The following RBFOX1 variants were observed in gnomAD, a reference collection of about 807,000 sequenced individuals.
The protein encoded by RBFOX1 is RNA binding fox-1 homolog 1, also known as RNA binding protein fox-1 homolog 1.
RBFOX1 carries 8 observed loss-of-function variants against 57.7 expected under a neutral mutation model. The observed-to-expected ratio is 0.14, with a 90% confidence interval of 0.08 to 0.25. The LOEUF (loss-of-function observed/expected upper bound fraction) is 0.25, where lower values mean the gene tolerates loss of function less well. RBFOX1 is among the 10% of genes least tolerant of loss of function. The probability of loss-of-function intolerance (pLI) is 1.00; values close to 1 mark genes in which losing one functional copy is unlikely to be tolerated. For synonymous variants in RBFOX1, 326 were observed against 222.4 expected, an observed-to-expected ratio of 1.47 and a Z score of -4.15; for missense variants, 611 against 548.5, an observed-to-expected ratio of 1.11 and a Z score of -1.14.
In RBFOX1 at chr16:7,540,323, A is replaced by G. The variant is rs1022456712; in HGVS notation, c.270+21934A>G. 5.9e-5 allele frequency among the ~76,000 whole-genome samples: 9 copies of G among 152,168 alleles called. No individual in the cohort carries two copies. In the East Asian group the frequency reaches 9.6e-4, roughly 16 times the overall value. On this transcript the variant is annotated intron_variant, in intron 5 of 15. Coordinates refer to ENST00000550418, the MANE Select transcript of RBFOX1 (RefSeq NM_018723.4). ...ACTCAAGGTACCTGAAAATAATGCA[A>G]TATGGCACCATGTCGGCAATGTGGC...
intron 14 of RBFOX1, among the ~76,000 whole-genome samples, chr16:7,682,161 T>C (rs1037761845): frequency 3.3e-5 from 5 of 152,274 alleles, no homozygotes; most frequent in African/African-American, 1.2e-4. Context: ...AAACGGTAGT[T>C]TTAGACATCC....
intron 3 of RBFOX1, among the ~76,000 whole-genome samples, chr16:5,790,591 T>C (rs1043890617): frequency 6.6e-6 from 1 of 151,532 alleles, no homozygotes; most frequent in Admixed American, 6.6e-5. Context: ...CTTACAGGGT[T>C]TGGGGTTTGA....
intron 2 of RBFOX1, among the ~76,000 whole-genome samples, chr16:5,544,519 G>A (rs2151067898): frequency 6.6e-6 from 1 of 151,976 alleles, no homozygotes; most frequent in South Asian, 2.1e-4. Context: ...CACAAAGTAA[G>A]CAGGGAAAAA....
rs1371418403 is a variant in RBFOX1, at chr16:7,653,953, T to G, written c.890+6T>G. 2 of 1,502,084 alleles carry G rather than the reference T, an allele frequency of 1.3e-6. No homozygotes were observed. Among genetic ancestry groups the G allele is most frequent in the Admixed American group, 2.2e-5 (1 of 45,966 alleles). The allele number at this position is 1,502,084 out of a possible 1,614,324, so 93.0% of individuals were successfully genotyped here. A position where few individuals can be genotyped will look rare whatever the true frequency, so the allele number is the denominator to read the frequency against. On this transcript the variant is annotated splice_donor_region_variant and intron_variant, in intron 12 of 15. Coordinates refer to ENST00000550418, the MANE Select transcript of RBFOX1 (RefSeq NM_018723.4). ...CCGATCCCGGCCTACGGCGGGTAAG[T>G]GGGGCAGCCTCCTGGGTGGGCCTCC...
At chr16:7,346,664 G>C (rs775365450) in intron 4 of RBFOX1, among the ~76,000 whole-genome samples, 3 of 151,922 alleles carry the variant, frequency 2.0e-5, no homozygotes, top group Admixed American at 1.3e-4. Context: ...TTTGTGTTCA[G>C]ATCTGCCCTG....
At chr16:7,378,962 C>T (rs547681101) in intron 4 of RBFOX1, among the ~76,000 whole-genome samples, 1 of 152,324 alleles carries the variant, frequency 6.6e-6, no homozygotes, top group South Asian at 2.1e-4. Flanking sequence ...GGAAATCCCA[C>T]CACTGACATT....
chr16:5,642,055 G>A (rs1262176916), intron 3 of RBFOX1, among the ~76,000 whole-genome samples: 1 of 152,174 alleles, frequency 6.6e-6, no homozygotes, highest in Non-Finnish European at 1.5e-5. Flanking sequence ...GAGCAAGACT[G>A]GGAGGAGGCC....
At chr16:7,609,489 C>T (rs564259165) in intron 10 of RBFOX1, among the ~76,000 whole-genome samples, 4 of 152,122 alleles carry the variant, frequency 2.6e-5, no homozygotes, top group African/African-American at 4.8e-5. Context: ...ACTTCTAGAA[C>T]ATTAGAGCAG....
chr16:7,445,457 T>C (rs976629659), intron 4 of RBFOX1, among the ~76,000 whole-genome samples: 2 of 152,272 alleles, frequency 1.3e-5, no homozygotes, highest in East Asian at 1.9e-4. Flanking sequence ...TAGGACAAGC[T>C]TTTGAAAGTG....
At chr16:6,755,078 G>T (rs917545304) in intron 3 of RBFOX1, among the ~76,000 whole-genome samples, 1 of 152,092 alleles carries the variant, frequency 6.6e-6, no homozygotes, top group African/African-American at 2.4e-5. Flanking sequence ...TGTATATGTT[G>T]CACATTTTCT....
At chr16:6,751,501 CCT>C (rs1352963309) in intron 3 of RBFOX1, among the ~76,000 whole-genome samples, 1 of 152,160 alleles carries the variant, frequency 6.6e-6, no homozygotes, top group Non-Finnish European at 1.5e-5. Context: ...CAACTCTTTG[CCT>C]CACTTGTAGG....
At chr16:5,482,191 C>T (rs1404692894) in intron 2 of RBFOX1, among the ~76,000 whole-genome samples, 1 of 152,072 alleles carries the variant, frequency 6.6e-6, no homozygotes, top group Non-Finnish European at 1.5e-5. Context: ...TTTGTAAGAC[C>T]TTTTGTTCCA....
In RBFOX1 at chr16:6,025,420, C is replaced by A. The variant is rs1038811158; in HGVS notation, c.-127+5428C>A. 2.6e-5 allele frequency among the ~76,000 whole-genome samples: 4 copies of A among 152,084 alleles called. No individual in the cohort carries two copies. In the East Asian group the frequency reaches 7.7e-4, roughly 29 times the overall value. ...TGTTCTTTGTGTGAGGGTGGAAGAC[C>A]CTGGGAGGATACATCTGTATACATT... On this transcript the variant is annotated intron_variant, in intron 1 of 15. Coordinates refer to ENST00000550418, the MANE Select transcript of RBFOX1 (RefSeq NM_018723.4).
intron 1 of RBFOX1, among the ~76,000 whole-genome samples, chr16:6,102,039 C>T (rs771013112): frequency 1.6e-4 from 24 of 152,242 alleles, no homozygotes; most frequent in Non-Finnish European, 2.8e-4. Context: ...AATGGTGTGA[C>T]TGTTGCATTG....
intron 4 of RBFOX1, among the ~76,000 whole-genome samples, chr16:7,477,019 C>A (rs555807311): frequency 6.6e-6 from 1 of 152,280 alleles, no homozygotes; most frequent in South Asian, 2.1e-4. Flanking sequence ...GTGTACCTAA[C>A]ACTTGCTGTC....
intron 3 of RBFOX1, among the ~76,000 whole-genome samples, chr16:6,799,825 C>T (rs777539329): frequency 6.6e-6 from 1 of 152,098 alleles, no homozygotes; most frequent in Non-Finnish European, 1.5e-5. Context: ...ACTTTAGCCA[C>T]AGACTGAAGG....
rs143100311 is a variant in RBFOX1, at chr16:5,852,952, G to A, written c.319-14351G>A. ...TCCTCTAGGGCCCCTTTGCCTGTGC[G>A]TTACGCTCTGAGTTACTTCGTTCTC... On this transcript the variant is annotated intron_variant, in intron 3 of 19. Transcript: ENST00000641259. Among the ~76,000 whole-genome samples the A allele has an allele frequency of 3.5e-4, 54 of 152,242 alleles. No individual in the cohort carries two copies. The East Asian group carries it at 4.3e-3, about 12-fold the overall frequency.
intron 3 of RBFOX1, among the ~76,000 whole-genome samples, chr16:6,775,316 C>G (rs904519967): frequency 8.1e-6 from 1 of 123,140 alleles, no homozygotes; most frequent in Non-Finnish European, 1.6e-5. Context: ...GGCGATACAG[C>G]GAGACTCTGT....
chr16:6,639,598 C>T (rs1213634559), intron 2 of RBFOX1, among the ~76,000 whole-genome samples: 1 of 152,092 alleles, frequency 6.6e-6, no homozygotes, highest in African/African-American at 2.4e-5. Context: ...AATTGTGGGC[C>T]GGGCACGGTG....
Sources: allele counts gnomAD v4.1 joint callset (sites outside exome capture counted in the v4.1 genomes callset), GRCh38; gene constraint gnomAD v4.1.1; transcripts MANE v1.5; gene names NCBI Gene and HGNC (gene_info 2026-07-23, HGNC 2026-07-21).